Variants in LY75 observed in about 807,000 individuals in gnomAD.
LY75 encodes the protein lymphocyte antigen 75, also known as C-type lectin domain family 13 member B.
LY75 carries 185 observed loss-of-function variants against 231.7 expected under a neutral mutation model. The observed-to-expected ratio is 0.80, with a 90% CI of 0.71 to 0.90. The LOEUF (loss-of-function observed/expected upper bound fraction) is 0.90. LY75 is among the 40% of genes least tolerant of loss of function. LY75 has a pLI of 0.00. For missense variants in LY75, 1,947 were observed against 2,050.2 expected, an observed-to-expected ratio of 0.95 and a Z score of 0.97; for synonymous variants, 668 against 689.0, an observed-to-expected ratio of 0.97 and a Z score of 0.48.
chr2:159,810,585 TA>T lies in LY75; in HGVS notation c.4639del (p.Tyr1547ThrfsTer29). On this transcript the variant is annotated frameshift_variant, in exon 32 of 35. Transcript: ENST00000263636. LOFTEE classifies it high-confidence loss of function. ...ACTGTGCAATGCCTGATCAGACTTGTAACAGTGACCCTTGTACTGGATCCAC... is the reference window on the plus strand; with the variant it reads ...ACTGTGCAATGCCTGATCAGACTTGTACAGTGACCCTTGTACTGGATCCAC... Reference protein sequence around the residue: ...SRWIQYKGHCYKSDQALHSFS... With the variant: ...SRWIQYKGHCXKSDQALHSFS... The T allele has an allele frequency of 6.2e-7, 1 of 1,614,180 alleles. No individual in the cohort carries two copies. The highest frequency in any genetic ancestry group is 8.5e-7 in the Non-Finnish European group (1 of 1,180,028).
intron 28 of LY75, among the ~76,000 whole-genome samples, chr2:159,829,256 T>C (rs1343568870): frequency 6.6e-6 from 1 of 152,196 alleles, no homozygotes; most frequent in Non-Finnish European, 1.5e-5. Flanking sequence ...ACGATTTGGT[T>C]CTTGTTTGCT....
At chr2:159,828,341 A>G (rs1574535519) in intron 28 of LY75, among the ~76,000 whole-genome samples, 1 of 152,094 alleles carries the variant, frequency 6.6e-6, no homozygotes, top group Non-Finnish European at 1.5e-5. Context: ...AAACATGAGC[A>G]AAAAATCTGA....
chr2:159,872,725 T>G, intron 12 of LY75, 132 bp from the exon 13 acceptor site: 2 of 1,015,656 alleles, frequency 2.0e-6, no homozygotes, highest in Non-Finnish European at 2.8e-6. Context: ...CATAGGTAAA[T>G]GCACATATAC....
At chr2:159,813,773 A>G (rs1683036390) in intron 31 of LY75, 1 of 152,232 alleles carries the variant, frequency 6.6e-6, no homozygotes, top group East Asian at 1.9e-4. Flanking sequence ...ACTGGACGGG[A>G]ATCTTTGGGG....
chr2:159,874,223 A>AATATATTATAAATAT (rs1685124085), intron 12 of LY75, among the ~76,000 whole-genome samples: 2 of 25,952 alleles, frequency 7.7e-5, no homozygotes, highest in Admixed American at 6.6e-4. Flanking sequence ...AATATATATA[A>AATATATTATAAATAT]ATATATTGTA....
chr2:159,868,888 A>T (rs1385473442), intron 13 of LY75, among the ~76,000 whole-genome samples: 1 of 152,172 alleles, frequency 6.6e-6, no homozygotes, highest in Non-Finnish European at 1.5e-5. Flanking sequence ...GCCCTGCTTG[A>T]AACTTACATG....
At chr2:159,855,775 C>T (rs534438461) in intron 16 of LY75, among the ~76,000 whole-genome samples, 8 of 152,286 alleles carry the variant, frequency 5.3e-5, no homozygotes, top group African/African-American at 1.4e-4. Context: ...AGCCTATTTG[C>T]GTTCCTCCCC....
At chr2:159,806,868 C>T in intron 34 of LY75, 105 bp downstream of exon 34, 1 of 1,376,972 alleles carries the variant, frequency 7.3e-7, no homozygotes. Context: ...ACTTTAAGGA[C>T]TAAATACTTC....
At chr2:159,874,974 ATATT>A (rs1685217083) in intron 12 of LY75, among the ~76,000 whole-genome samples, 1 of 138,772 alleles carries the variant, frequency 7.2e-6, no homozygotes, top group South Asian at 2.2e-4. Context: ...TATAATATAT[ATATT>A]GTAAATATGT....
intron 23 of LY75, among the ~76,000 whole-genome samples, chr2:159,848,083 TATATATATATAC>T (rs771321056): frequency 5.2e-4 from 17 of 32,398 alleles, no homozygotes; most frequent in Admixed American, 1.1e-3. Flanking sequence ...TATATATATA[TATATATATATAC>T]ACACACACAT....
At chr2:159,900,659 T>C (rs546623200) in intron 1 of LY75, among the ~76,000 whole-genome samples, 2 of 152,348 alleles carry the variant, frequency 1.3e-5, no homozygotes, top group Non-Finnish European at 2.9e-5. Context: ...TAAAATTAAG[T>C]CTCACTGCAG....
chr2:159,896,366 C>T (rs1222634955), intron 2 of LY75, among the ~76,000 whole-genome samples: 1 of 152,128 alleles, frequency 6.6e-6, no homozygotes, highest in Non-Finnish European at 1.5e-5. Flanking sequence ...AGAGGCAACC[C>T]AAGGCACAGT....
At chr2:159,881,452 G>A (rs773843597) in intron 7 of LY75, among the ~76,000 whole-genome samples, 7 of 152,152 alleles carry the variant, frequency 4.6e-5, no homozygotes, top group Non-Finnish European at 7.4e-5. Context: ...TAGAACATCT[G>A]CAGGCTGGGT....
At chr2:159,813,570 T>A (rs1683030454) in intron 31 of LY75, among the ~76,000 whole-genome samples, 2 of 152,082 alleles carry the variant, frequency 1.3e-5, no homozygotes, top group African/African-American at 4.8e-5. Context: ...CGACAGTCCT[T>A]GGTTTATCAC....
chr2:159,898,107 T>C (rs912364565), intron 2 of LY75, among the ~76,000 whole-genome samples: 1 of 152,070 alleles, frequency 6.6e-6, no homozygotes, highest in African/African-American at 2.4e-5. Flanking sequence ...CTTCTCCTTC[T>C]TTTCTTTTTT....
chr2:159,887,211 T>TCACACACA (rs370794967), intron 4 of LY75, among the ~76,000 whole-genome samples: 19,667 of 129,690 alleles, frequency 0.15, 1,757 homozygotes, highest in East Asian at 0.36. Context: ...AGAGTGAGAG[T>TCACACACA]CACACACACA....
At chr2:159,868,443 T>A (rs926835943) in intron 13 of LY75, among the ~76,000 whole-genome samples, 2 of 152,208 alleles carry the variant, frequency 1.3e-5, no homozygotes, top group African/African-American at 4.8e-5. Flanking sequence ...GGGTTTACTA[T>A]GTTTATAATC....
chr2:159,878,199 T>C lies in LY75; in HGVS notation c.1774+125A>G, dbSNP rs1316924949. 3.8e-6 allele frequency: 5 copies of C among 1,308,408 alleles called. No homozygotes were observed. In the East Asian group the frequency reaches 1.2e-4, roughly 31 times the overall value. The allele number at this position is 1,308,408 out of a possible 1,614,324, so 81.0% of individuals were successfully genotyped here. A position where few individuals can be genotyped will look rare whatever the true frequency, so the allele number is the denominator to read the frequency against. On this transcript the variant is annotated intron_variant, in intron 11 of 34. Coordinates refer to ENST00000263636, the MANE Select transcript of LY75 (RefSeq NM_002349.4). ...CTGCTTCTATTTATGGTTCCATAGA[T>C]AGACTCCAATCCTGAAGATCATCAT...
chr2:159,826,010 G>A (rs538722929), intron 28 of LY75, among the ~76,000 whole-genome samples: 1 of 152,098 alleles, frequency 6.6e-6, no homozygotes, highest in Non-Finnish European at 1.5e-5. Flanking sequence ...TACTGAATGG[G>A]CAAAAACTGG....
Sources: gnomAD v4.1 joint callset for allele counts (sites outside exome capture counted in the v4.1 genomes callset) on GRCh38, gnomAD v4.1.1 for gene constraint, MANE v1.5 for transcripts, NCBI Gene and HGNC (gene_info 2026-07-23, HGNC 2026-07-21) for gene names.